HK1: variants seen among roughly 807,000 people sequenced by gnomAD.
HK1 encodes hexokinase 1.
A neutral mutation model predicts 91.6 loss-of-function variants in HK1; 28 were observed. The ratio of observed to expected loss-of-function variants is 0.31; its 90% confidence interval spans 0.23 to 0.42. The LOEUF (loss-of-function observed/expected upper bound fraction) is 0.42, where lower values mean the gene tolerates loss of function less well. Ranked by LOEUF, HK1 falls within the 10% of genes least tolerant of loss-of-function variation. The pLI, the probability that HK1 is intolerant of heterozygous loss-of-function variation, is 1.00. For missense variants in HK1, 770 were observed against 1,219.8 expected, an observed-to-expected ratio of 0.63 and a Z score of 5.49; for synonymous variants, 430 against 468.1, an observed-to-expected ratio of 0.92 and a Z score of 1.05.
At position 69,343,065 on chromosome 10, in the gene HK1, A is replaced by C. The variant is rs572604995; in HGVS notation, c.64-762A>C. 2.6e-5 allele frequency among the ~76,000 whole-genome samples: 4 copies of C among 152,282 alleles called. No individual in the cohort carries two copies. In the East Asian group the frequency reaches 7.7e-4, roughly 29 times the overall value. ...GGAGGTGCAGGGCCCATGGCCTGGCACACAGGCCCGGCACATGGGTATGGG... is the reference window on the plus strand; with the variant it reads ...GGAGGTGCAGGGCCCATGGCCTGGCCCACAGGCCCGGCACATGGGTATGGG... On this transcript the variant is annotated intron_variant, in intron 1 of 17. Transcript: ENST00000359426.
intron 5 of HK1, among the ~76,000 whole-genome samples, chr10:69,306,179 A>C (rs112862822): frequency 7.9e-5 from 12 of 151,710 alleles, no homozygotes; most frequent in Non-Finnish European, 1.8e-4. Flanking sequence ...ACAGTGAAAC[A>C]CCGTCTCTAC....
At chr10:69,343,611 C>T (rs757795034) in intron 1 of HK1, among the ~76,000 whole-genome samples, 5 of 152,152 alleles carry the variant, frequency 3.3e-5, no homozygotes, top group Non-Finnish European at 1.5e-5. Flanking sequence ...TTAGAGATAT[C>T]GGGTTCATTT....
rs369965138 is a variant in HK1 at position 69,306,016 on chromosome 10, G to C, written c.27+5155G>C. Reference sequence around the variant, plus strand: ...AGACATAAGCCACAGTAGGATCTGTGACCCACACTTTTTCCAAAGAGGGTT... The same window carrying C: ...AGACATAAGCCACAGTAGGATCTGTCACCCACACTTTTTCCAAAGAGGGTT... On this transcript the variant is annotated intron_variant, in intron 5 of 21. Coordinates refer to the HK1 transcript ENST00000360289. Among the ~76,000 whole-genome samples, 78 of 152,228 alleles carry C rather than the reference G, an allele frequency of 5.1e-4. 1 individual carries two copies. In the South Asian group the frequency reaches 0.016, roughly 31 times the overall value.
At chr10:69,288,644 C>G in intron 2 of HK1, 1 of 1,055,638 alleles carries the variant, frequency 9.5e-7, no homozygotes. Flanking sequence ...TCTGACCCTG[C>G]CTTCTTTGAA....
chr10:69,297,858 T>G (rs1462128579), intron 4 of HK1, among the ~76,000 whole-genome samples: 1 of 147,182 alleles, frequency 6.8e-6, no homozygotes, highest in East Asian at 2.0e-4. Flanking sequence ...ATCCTGCCAC[T>G]GCACTCCAGC....
chr10:69,270,865 G>T (rs1280556364), intron 1 of HK1: 1 of 152,200 alleles, frequency 6.6e-6, no homozygotes, highest in Non-Finnish European at 1.5e-5. Context: ...CTACATACTG[G>T]CTGGCATTGA....
chr10:69,366,380 AT>A (rs1042759628), intron 4 of HK1, among the ~76,000 whole-genome samples: 4 of 152,100 alleles, frequency 2.6e-5, no homozygotes, highest in African/African-American at 9.7e-5. Context: ...CCTTTATGCC[AT>A]TAGGGTAAGC....
At chr10:69,292,164 G>A (rs1479448670) in intron 3 of HK1, 2 of 238,092 alleles carry the variant, frequency 8.4e-6, no homozygotes, top group Admixed American at 1.0e-4. Flanking sequence ...TTGAACTCCT[G>A]AGCTCAACTG....
At chr10:69,300,872 A>T (rs1241171454) in intron 5 of HK1, 2 of 1,374,818 alleles carry the variant, frequency 1.5e-6, no homozygotes, top group East Asian at 4.6e-5. Flanking sequence ...GTACGTAGAA[A>T]ATCCTGGAAT....
At chr10:69,395,483 C>G (rs1179565991) in intron 16 of HK1, among the ~76,000 whole-genome samples, 2 of 152,156 alleles carry the variant, frequency 1.3e-5, no homozygotes, top group Non-Finnish European at 2.9e-5. Flanking sequence ...GAGGCTGAGG[C>G]AGGAGACTCA....
intron 1 of HK1, among the ~76,000 whole-genome samples, chr10:69,332,029 C>A (rs917319679): frequency 5.3e-5 from 8 of 152,154 alleles, no homozygotes; most frequent in Admixed American, 5.2e-4. Flanking sequence ...CTTGATTGCA[C>A]CACTGCACTC....
chr10:69,337,941 G>A (rs1251388732), intron 1 of HK1: 1 of 153,872 alleles, frequency 6.5e-6, no homozygotes. Context: ...TTTGTTTTTT[G>A]TGCATGTTCT....
Position 69,359,887 on chromosome 10 carries a change from C to T in HK1, c.227-10C>T. The T allele has an allele frequency of 6.2e-7, 1 of 1,613,810 alleles. No homozygotes were observed. Among genetic ancestry groups the T allele is most frequent in the East Asian group, 2.2e-5 (1 of 44,876 alleles). On this transcript the variant is annotated splice_polypyrimidine_tract_variant and intron_variant, in intron 2 of 17. Transcript: ENST00000359426. ...GAATCTCATGTGATACCTGTTGTCT[C>T]CCTAAACAGAAAAGGGAGATTTCAT...
intron 4 of HK1, chr10:69,300,603 C>T (rs915760990): frequency 8.5e-6 from 6 of 709,574 alleles, no homozygotes; most frequent in Non-Finnish European, 1.3e-5. Flanking sequence ...GCTGATCATG[C>T]CACACTTGTT....
intron 17 of HK1, among the ~76,000 whole-genome samples, chr10:69,400,452 C>T (rs1000643735): frequency 1.6e-4 from 23 of 145,550 alleles, no homozygotes; most frequent in Non-Finnish European, 3.1e-4. Context: ...GATGGTGGGG[C>T]GCTGGGGGTC....
At chr10:69,311,227 C>T (rs2132536014), upstream of HK1, among the ~76,000 whole-genome samples, 1 of 152,168 alleles carries the variant, frequency 6.6e-6, no homozygotes, top group Admixed American at 6.5e-5. Context: ...GGACTGAATT[C>T]CAAAAGGGAT....
intron 5 of HK1, among the ~76,000 whole-genome samples, chr10:69,310,065 A>G (rs35532806): frequency 0.018 from 2,723 of 150,444 alleles, 103 homozygotes; most frequent in African/African-American, 0.063. Context: ...AAAAAAAAAA[A>G]AGAGATTGTA....
At chr10:69,314,322 A>T (rs773595675), upstream of HK1, among the ~76,000 whole-genome samples, 15 of 152,236 alleles carry the variant, frequency 9.9e-5, no homozygotes, top group Non-Finnish European at 2.1e-4. Flanking sequence ...CATTCACATT[A>T]GTCCAGTCTC....
intron 1 of HK1, among the ~76,000 whole-genome samples, chr10:69,281,507 G>T (rs1844746889): frequency 6.6e-6 from 1 of 152,144 alleles, no homozygotes; most frequent in Admixed American, 6.5e-5. Flanking sequence ...CTCTGACTTA[G>T]ACCAATGTGT....
Sources: allele counts gnomAD v4.1 joint callset (sites outside exome capture counted in the v4.1 genomes callset), GRCh38; gene constraint gnomAD v4.1.1; transcripts MANE v1.5; gene names NCBI Gene and HGNC (gene_info 2026-07-23, HGNC 2026-07-21).